INPP4B: variants seen among roughly 807,000 people sequenced by gnomAD.
INPP4B encodes inositol polyphosphate-4-phosphatase type II B.
In INPP4B, 55 loss-of-function variants were observed where a neutral mutation model predicts 122.5. That is an observed-to-expected ratio of 0.45 (90% CI 0.36 to 0.56). The LOEUF (loss-of-function observed/expected upper bound fraction) is 0.56, where lower values mean the gene tolerates loss of function less well. INPP4B is among the 20% of genes least tolerant of loss of function. The probability of loss-of-function intolerance (pLI) is 0.00; values close to 1 mark genes in which losing one functional copy is unlikely to be tolerated. For synonymous variants in INPP4B, 403 were observed against 388.7 expected (o/e 1.04, Z -0.43); for missense variants, 1,000 against 1,097.7 (o/e 0.91, Z 1.26).
chr4:142,285,038 T>C (rs1469336583), intron 9 of INPP4B, among the ~76,000 whole-genome samples: 2 of 151,992 alleles, frequency 1.3e-5, no homozygotes, highest in Non-Finnish European at 2.9e-5. Context: ...GGAGGGGCTG[T>C]GTAGGACAGA....
intron 17 of INPP4B, among the ~76,000 whole-genome samples, chr4:142,153,289 T>C (rs1163557594): frequency 2.0e-5 from 3 of 152,210 alleles, no homozygotes; most frequent in Non-Finnish European, 4.4e-5. Flanking sequence ...TTTAATTGTA[T>C]GAACCTTGAT....
At chr4:142,520,279 G>T (rs562534430) in intron 2 of INPP4B, among the ~76,000 whole-genome samples, 9 of 151,972 alleles carry the variant, frequency 5.9e-5, no homozygotes, top group African/African-American at 2.2e-4. Flanking sequence ...TAGGAAATGA[G>T]AATCACAAAC....
intron 5 of INPP4B, among the ~76,000 whole-genome samples, chr4:142,414,400 T>C (rs978103271): frequency 6.6e-6 from 1 of 152,128 alleles, no homozygotes; most frequent in African/African-American, 2.4e-5. Flanking sequence ...TCAATTTAAG[T>C]GTCACTGAAG....
intron 18 of INPP4B, among the ~76,000 whole-genome samples, chr4:142,143,734 A>G (rs1561273693): frequency 6.6e-6 from 1 of 152,098 alleles, no homozygotes; most frequent in Non-Finnish European, 1.5e-5. Context: ...ATTTAGTTAA[A>G]GACTTACAGA....
chr4:142,661,009 G>A (rs1755071369), intron 2 of INPP4B: 1 of 152,278 alleles, frequency 6.6e-6, no homozygotes, highest in South Asian at 2.1e-4. Flanking sequence ...GGGATTCCTG[G>A]AGAAACTCCA....
At chr4:142,150,887 C>T (rs1007439795) in intron 17 of INPP4B, among the ~76,000 whole-genome samples, 1 of 152,182 alleles carries the variant, frequency 6.6e-6, no homozygotes, top group East Asian at 1.9e-4. Context: ...AGCTGACCAA[C>T]TTTTTCTAAG....
chr4:142,758,032 C>A (rs948195593), intron 1 of INPP4B, among the ~76,000 whole-genome samples: 5 of 152,110 alleles, frequency 3.3e-5, no homozygotes, highest in Admixed American at 2.6e-4. Context: ...GGTCTAGATT[C>A]TAGATTAAGC....
At chr4:142,243,260 G>A (rs905809905) in intron 11 of INPP4B, among the ~76,000 whole-genome samples, 2 of 152,198 alleles carry the variant, frequency 1.3e-5, no homozygotes, top group Non-Finnish European at 2.9e-5. Flanking sequence ...GGAGGAAGAG[G>A]AGGAGATAAA....
chr4:142,445,245 A>C (rs1424983381), intron 3 of INPP4B, among the ~76,000 whole-genome samples: 4 of 152,184 alleles, frequency 2.6e-5, no homozygotes, highest in Non-Finnish European at 5.9e-5. Flanking sequence ...ATAAGCAAAA[A>C]AGCATAAAAG....
At chr4:142,284,838 T>C (rs1752779291) in intron 9 of INPP4B, among the ~76,000 whole-genome samples, 1 of 151,998 alleles carries the variant, frequency 6.6e-6, no homozygotes. Context: ...AAGTGTGAAA[T>C]AGGTATGCGA....
At chr4:142,036,297 A>G (rs983692899) in intron 25 of INPP4B, among the ~76,000 whole-genome samples, 1 of 152,184 alleles carries the variant, frequency 6.6e-6, no homozygotes, top group Admixed American at 6.6e-5. Context: ...TTCCTTTTCA[A>G]TGTCTCCTGT....
At chr4:142,386,506 C>T (rs1796008613) in intron 7 of INPP4B, among the ~76,000 whole-genome samples, 2 of 152,180 alleles carry the variant, frequency 1.3e-5, no homozygotes, top group African/African-American at 4.8e-5. Context: ...AGACTGAAAA[C>T]CTAACTTAGG....
At chr4:142,737,672 G>A (rs1402640862) in intron 1 of INPP4B, among the ~76,000 whole-genome samples, 1 of 152,068 alleles carries the variant, frequency 6.6e-6, no homozygotes, top group Non-Finnish European at 1.5e-5. Context: ...AGACTGAACA[G>A]GCAACCTACA....
chr4:142,763,352 T>A (rs901327597), intron 1 of INPP4B, among the ~76,000 whole-genome samples: 1 of 152,202 alleles, frequency 6.6e-6, no homozygotes, highest in Non-Finnish European at 1.5e-5. Flanking sequence ...CTGATGAAAT[T>A]AAAATGGCAA....
At chr4:142,082,598 A>G (rs182896508) in intron 24 of INPP4B, among the ~76,000 whole-genome samples, 1 of 152,322 alleles carries the variant, frequency 6.6e-6, no homozygotes, top group Non-Finnish European at 1.5e-5. Flanking sequence ...GGATCAAACA[A>G]TTGATTCAAA....
intron 1 of INPP4B, among the ~76,000 whole-genome samples, chr4:142,750,424 A>G (rs1385919401): frequency 6.6e-6 from 1 of 152,176 alleles, no homozygotes; most frequent in East Asian, 1.9e-4. Context: ...TAAAGAATCT[A>G]TCATTTACCA....
At chr4:142,207,422 C>T (rs907810335) in intron 14 of INPP4B, among the ~76,000 whole-genome samples, 1 of 152,110 alleles carries the variant, frequency 6.6e-6, no homozygotes, top group Non-Finnish European at 1.5e-5. Context: ...TGTACAATTG[C>T]TCTTGTGTTT....
chr4:142,289,375 A>C (rs1561757894), intron 9 of INPP4B, among the ~76,000 whole-genome samples: 1 of 152,170 alleles, frequency 6.6e-6, no homozygotes, highest in Non-Finnish European at 1.5e-5. Flanking sequence ...TTTCTTTTTT[A>C]AAATTTCCAA....
chr4:142,236,224 T>C (rs1856654866), intron 12 of INPP4B, among the ~76,000 whole-genome samples: 1 of 152,192 alleles, frequency 6.6e-6, no homozygotes, highest in Non-Finnish European at 1.5e-5. Context: ...TAAGAGTGGT[T>C]CTTGGTGTCC....
Sources: gnomAD v4.1 joint callset for allele counts (sites outside exome capture counted in the v4.1 genomes callset) on GRCh38, gnomAD v4.1.1 for gene constraint, MANE v1.5 for transcripts, NCBI Gene and HGNC (gene_info 2026-07-23, HGNC 2026-07-21) for gene names.